MSRA: variants seen among roughly 807,000 people sequenced by gnomAD.
The protein encoded by MSRA is mitochondrial peptide methionine sulfoxide reductase.
MSRA carries 54 observed loss-of-function variants against 31.3 expected under a neutral mutation model. The ratio of observed to expected loss-of-function variants is 1.73; its 90% CI spans 1.39 to 2.17. MSRA has a LOEUF of 2.17. Ranked by LOEUF, MSRA falls within the 30% of genes most tolerant of loss-of-function variation. MSRA has a pLI of 0.00. For missense variants in MSRA, 507 were observed against 300.9 expected (o/e 1.69, Z -5.07); for synonymous variants, 169 against 116.5 (o/e 1.45, Z -2.90).
intron 3 of MSRA, chr8:10,250,665 G>A: frequency 1.7e-6 from 1 of 584,920 alleles, no homozygotes; most frequent in Admixed American, 3.0e-5. Flanking sequence ...GAAGAGCGGA[G>A]TGTGGGAGTC....
intron 5 of MSRA, among the ~76,000 whole-genome samples, chr8:10,334,408 A>C (rs1585503513): frequency 6.6e-6 from 1 of 151,422 alleles, no homozygotes; most frequent in Admixed American, 6.6e-5. Context: ...GTGGCTCCGG[A>C]GTGATAGGAT....
At chr8:10,261,728 C>T (rs947699795) in intron 3 of MSRA, among the ~76,000 whole-genome samples, 3 of 152,118 alleles carry the variant, frequency 2.0e-5, no homozygotes, top group African/African-American at 7.2e-5. Context: ...TAACTAAAGT[C>T]CATAGTTTAC....
intron 5 of MSRA, among the ~76,000 whole-genome samples, chr8:10,422,336 C>T (rs568296962): frequency 6.6e-6 from 1 of 152,298 alleles, no homozygotes; most frequent in South Asian, 2.1e-4. Flanking sequence ...GCCCTCTCTG[C>T]ATTCCTCGTC....
chr8:10,427,409 T>C (rs1341661344), intron 5 of MSRA, among the ~76,000 whole-genome samples: 1 of 152,176 alleles, frequency 6.6e-6, no homozygotes, highest in Non-Finnish European at 1.5e-5. Flanking sequence ...TGTCTTTCCC[T>C]GGCAGCAGAT....
intron 1 of MSRA, chr8:10,095,564 GAA>G: frequency 1.0e-6 from 1 of 985,750 alleles, no homozygotes; most frequent in Non-Finnish European, 1.2e-6. Flanking sequence ...GTGAGAGAGA[GAA>G]AGAGGGAGAG....
chr8:10,179,183 C>G (rs189852997), intron 1 of MSRA, among the ~76,000 whole-genome samples: 3 of 152,222 alleles, frequency 2.0e-5, no homozygotes, highest in Admixed American at 6.5e-5. Context: ...ATTTTTGCCT[C>G]TATAGTAATG....
intron 5 of MSRA, among the ~76,000 whole-genome samples, chr8:10,406,346 ATG>A (rs779120337): frequency 4.6e-5 from 7 of 152,242 alleles, no homozygotes; most frequent in Non-Finnish European, 8.8e-5. Context: ...TTCTTGAAGA[ATG>A]TGACCTTTCA....
At chr8:10,421,649 C>T (rs190843238) in intron 5 of MSRA, among the ~76,000 whole-genome samples, 9 of 152,254 alleles carry the variant, frequency 5.9e-5, no homozygotes, top group East Asian at 1.9e-4. Flanking sequence ...CTTTACTGGC[C>T]GCCCTAGAAG....
intron 5 of MSRA, among the ~76,000 whole-genome samples, chr8:10,367,655 A>G (rs951281907): frequency 3.9e-5 from 6 of 152,334 alleles, no homozygotes; most frequent in African/African-American, 9.6e-5. Flanking sequence ...CCCATGTCAC[A>G]CTGCGAGTGA....
At chr8:10,226,820 TTCTCAGCCTGCCTGA>T (rs1811042715) in intron 2 of MSRA, among the ~76,000 whole-genome samples, 1 of 152,210 alleles carries the variant, frequency 6.6e-6, no homozygotes, top group East Asian at 1.9e-4. Context: ...CTACAGCTCA[TTCTCAGCCTGCCTGA>T]TCTCAGCCTT....
intron 1 of MSRA, among the ~76,000 whole-genome samples, chr8:10,132,999 C>A (rs1802008645): frequency 6.6e-6 from 1 of 152,118 alleles, no homozygotes. Flanking sequence ...CATATGGGGT[C>A]CTGCCTTGGA....
intron 1 of MSRA, among the ~76,000 whole-genome samples, chr8:10,121,759 C>G (rs1801123986): frequency 6.6e-6 from 1 of 151,918 alleles, no homozygotes; most frequent in Admixed American, 6.6e-5. Context: ...CGGCTTCAGA[C>G]TCCTAAGCTC....
intron 5 of MSRA, among the ~76,000 whole-genome samples, chr8:10,386,299 C>G (rs1296888766): frequency 6.6e-6 from 1 of 152,094 alleles, no homozygotes; most frequent in South Asian, 2.1e-4. Flanking sequence ...TTCCGCTGTC[C>G]CATATTAGTT....
intron 2 of MSRA, among the ~76,000 whole-genome samples, chr8:10,228,744 T>A (rs1196401347): frequency 6.6e-6 from 1 of 152,224 alleles, no homozygotes; most frequent in African/African-American, 2.4e-5. Flanking sequence ...TCTCTGAATC[T>A]CTGTTTTCTC....
At chr8:10,422,321 T>G (rs1429180980) in intron 5 of MSRA, among the ~76,000 whole-genome samples, 4 of 152,182 alleles carry the variant, frequency 2.6e-5, no homozygotes, top group Non-Finnish European at 5.9e-5. Flanking sequence ...TGGTGCACTT[T>G]CTGTGCCCTC....
chr8:10,250,551 G>A (rs768389218), intron 3 of MSRA: 16 of 688,200 alleles, frequency 2.3e-5, no homozygotes, highest in Admixed American at 8.3e-5. Context: ...TACACAAGCA[G>A]CACGGGAAAT....
intron 1 of MSRA, among the ~76,000 whole-genome samples, chr8:10,167,983 A>G (rs148485771): frequency 3.3e-5 from 5 of 152,318 alleles, no homozygotes; most frequent in African/African-American, 1.2e-4. Flanking sequence ...GGACTTGGGC[A>G]TGGCACTTCT....
chr8:10,194,133 G>A (rs1333600640), intron 1 of MSRA, among the ~76,000 whole-genome samples: 1 of 152,162 alleles, frequency 6.6e-6, no homozygotes, highest in Admixed American at 6.5e-5. Flanking sequence ...ACTTGCTGCT[G>A]TACGAGTCTC....
At chr8:10,310,058 T>C (rs1801352446) in intron 4 of MSRA, among the ~76,000 whole-genome samples, 1 of 152,262 alleles carries the variant, frequency 6.6e-6, no homozygotes, top group Non-Finnish European at 1.5e-5. Flanking sequence ...CAGATTAATA[T>C]CTGAACTTCC....
Sources: allele counts gnomAD v4.1 joint callset (sites outside exome capture counted in the v4.1 genomes callset), GRCh38; gene constraint gnomAD v4.1.1; transcripts MANE v1.5; gene names NCBI Gene and HGNC (gene_info 2026-07-23, HGNC 2026-07-21).